The following ZFAT variants were observed in gnomAD, a reference collection of about 807,000 sequenced individuals.
The protein encoded by ZFAT is zinc finger protein ZFAT.
A neutral mutation model predicts 117.7 loss-of-function variants in ZFAT; 64 were observed. The ratio of observed to expected loss-of-function variants is 0.54; its 90% CI spans 0.44 to 0.67. ZFAT has a LOEUF of 0.67. Among genes scored for constraint, ZFAT ranks in the 30% least tolerant of loss-of-function variants. The pLI is 0.00. For synonymous variants in ZFAT, 679 were observed against 615.0 expected, an observed-to-expected ratio of 1.10 and a Z score of -1.54; for missense variants, 1,433 against 1,584.5, an observed-to-expected ratio of 0.90 and a Z score of 1.62.
intron 2 of ZFAT, among the ~76,000 whole-genome samples, chr8:134,641,666 C>T (rs1280654631): frequency 1.2e-4 from 18 of 152,178 alleles, no homozygotes; most frequent in African/African-American, 4.3e-4. Context: ...GGGTCTCGAA[C>T]GGAGCTGGAT....
chr8:134,581,890 T>C (rs1440702827), intron 10 of ZFAT, among the ~76,000 whole-genome samples: 2 of 152,166 alleles, frequency 1.3e-5, no homozygotes, highest in Non-Finnish European at 2.9e-5. Context: ...GTGCCCGACC[T>C]GGATGCCCTT....
intron 11 of ZFAT, among the ~76,000 whole-genome samples, chr8:134,540,747 CA>C: frequency 6.6e-6 from 1 of 152,226 alleles, no homozygotes; most frequent in Non-Finnish European, 1.5e-5. Context: ...CTTTATTCCT[CA>C]ATCGCCATCT....
intron 11 of ZFAT, among the ~76,000 whole-genome samples, chr8:134,543,186 C>CA (rs903528063): frequency 7.9e-5 from 12 of 151,406 alleles, no homozygotes; most frequent in Non-Finnish European, 1.8e-4. Context: ...CTGTGACAGT[C>CA]AGCCAGGCAC....
chr8:134,771,676 C>T, the ZFAT span, among the ~76,000 whole-genome samples: 1 of 152,212 alleles, frequency 6.6e-6, no homozygotes, highest in Non-Finnish European at 1.5e-5. Flanking sequence ...CCAATCCCTG[C>T]CTATTACCCA....
At chr8:134,657,442 C>T (rs1437399173) in intron 2 of ZFAT, 119 bp downstream of exon 2, 11 of 1,057,054 alleles carry the variant, frequency 1.0e-5, no homozygotes, top group Non-Finnish European at 1.2e-5. Flanking sequence ...CAATTGGAGA[C>T]TTATTGTGAC....
chr8:134,604,936 T>C (rs1827770510), intron 5 of ZFAT, among the ~76,000 whole-genome samples: 1 of 152,242 alleles, frequency 6.6e-6, no homozygotes, highest in South Asian at 2.1e-4. Context: ...CCTGGATTCA[T>C]AACATTAATT....
At chr8:134,756,753 A>G in the ZFAT span, among the ~76,000 whole-genome samples, 5 of 152,210 alleles carry the variant, frequency 3.3e-5, no homozygotes, top group African/African-American at 1.2e-4. Context: ...TGAAGGGCCA[A>G]CCCTGCTCCA....
chr8:134,548,182 C>T (rs1252337196), intron 11 of ZFAT, among the ~76,000 whole-genome samples: 1 of 152,198 alleles, frequency 6.6e-6, no homozygotes, highest in Non-Finnish European at 1.5e-5. Context: ...TTATTAAGCA[C>T]TGCATAGGTG....
At chr8:134,758,143 T>G in the ZFAT span, among the ~76,000 whole-genome samples, 1 of 152,262 alleles carries the variant, frequency 6.6e-6, no homozygotes, top group African/African-American at 2.4e-5. Context: ...AGGAGCTTGA[T>G]GTACTAGTAA....
At chr8:134,628,005 G>GCC (rs1586845911) in intron 3 of ZFAT, among the ~76,000 whole-genome samples, 1 of 152,118 alleles carries the variant, frequency 6.6e-6, no homozygotes, top group African/African-American at 2.4e-5. Context: ...AGGCACGTGC[G>GCC]CGGCACAATG....
At chr8:134,630,662 G>A (rs555197495) in intron 3 of ZFAT, among the ~76,000 whole-genome samples, 1 of 152,230 alleles carries the variant, frequency 6.6e-6, no homozygotes, top group African/African-American at 2.4e-5. Context: ...ATTGATTTCT[G>A]TAGGCTGCAA....
chr8:134,807,865 T>C, the ZFAT span, among the ~76,000 whole-genome samples: 2 of 152,160 alleles, frequency 1.3e-5, no homozygotes, highest in Non-Finnish European at 2.9e-5. Context: ...TCTAAATTAA[T>C]AAACTTAATC....
intron 15 of ZFAT, among the ~76,000 whole-genome samples, chr8:134,498,911 T>C (rs200484955): frequency 0.014 from 235 of 16,596 alleles, 4 homozygotes; most frequent in African/African-American, 0.052. Flanking sequence ...TTGGTAGGGT[T>C]GGGGTGGAAC....
At chr8:134,781,758 C>T in the ZFAT span, among the ~76,000 whole-genome samples, 3 of 152,142 alleles carry the variant, frequency 2.0e-5, no homozygotes, top group African/African-American at 7.2e-5. Flanking sequence ...CCCCCTCTTC[C>T]TCCCCCTCCT....
intron 14 of ZFAT, 86 bp downstream of exon 14, chr8:134,512,389 G>A: frequency 6.5e-7 from 1 of 1,544,484 alleles, no homozygotes; most frequent in Non-Finnish European, 8.8e-7. Flanking sequence ...ATCACCTGAT[G>A]GACATCATTC....
the ZFAT span, chr8:134,784,102 C>T: frequency 6.6e-6 from 1 of 152,352 alleles, no homozygotes; most frequent in South Asian, 2.1e-4. Context: ...ATTCCAGGGG[C>T]TTAGCGCTGT....
rs73711209 is a variant in ZFAT at position 134,575,572 on chromosome 8, G to A, written c.2887+8260C>T. Reference sequence around the variant, plus strand: ...TAATACATCTGTGTTGATCTAGGTCGCTAACTTTGTGGTAATTTGTTACAG... The same window carrying A: ...TAATACATCTGTGTTGATCTAGGTCACTAACTTTGTGGTAATTTGTTACAG... On this transcript the variant is annotated intron_variant, in intron 10 of 15. Transcript: ENST00000377838. 7.6e-3 allele frequency among the ~76,000 whole-genome samples: 1,159 copies of A among 152,284 alleles called. 10 individuals are homozygous for A. The highest frequency in any genetic ancestry group is 0.026 in the African/African-American group (1,086 of 41,558).
At chr8:134,509,560 G>T in intron 15 of ZFAT, 59 bp downstream of exon 15, 1 of 1,607,150 alleles carries the variant, frequency 6.2e-7, no homozygotes. Context: ...ACAGGGAGAA[G>T]GAGAGAACCT....
the ZFAT span, among the ~76,000 whole-genome samples, chr8:134,722,082 C>T: frequency 2.6e-5 from 4 of 152,138 alleles, no homozygotes; most frequent in Admixed American, 6.5e-5. Context: ...TCCTCAGATC[C>T]GGATTTCACA....
Sources: gnomAD v4.1 joint callset for allele counts (sites outside exome capture counted in the v4.1 genomes callset) on GRCh38, gnomAD v4.1.1 for gene constraint, MANE v1.5 for transcripts, NCBI Gene and HGNC (gene_info 2026-07-23, HGNC 2026-07-21) for gene names.